KIF5C: variants seen among roughly 807,000 people sequenced by gnomAD.
KIF5C encodes kinesin family member 5C, also known as kinesin heavy chain isoform 5C.
KIF5C carries 18 observed loss-of-function variants against 125.2 expected under a neutral mutation model. The observed-to-expected ratio is 0.14, with a 90% CI of 0.10 to 0.21. The LOEUF is 0.21. KIF5C is among the 10% of genes least tolerant of loss of function. The probability of loss-of-function intolerance (pLI) is 1.00; values close to 1 mark genes in which losing one functional copy is unlikely to be tolerated. For missense variants in KIF5C, 780 were observed against 1,183.8 expected (o/e 0.66, Z 5.01); for synonymous variants, 405 against 434.0 (o/e 0.93, Z 0.83).
chr2:148,985,409 TAAGATA>T (rs1245713818), intron 15 of KIF5C, among the ~76,000 whole-genome samples: 2 of 152,186 alleles, frequency 1.3e-5, no homozygotes, highest in African/African-American at 4.8e-5. Flanking sequence ...TCAGCACCGT[TAAGATA>T]ATGAATGTCC....
chr2:148,875,525 G>T lies in KIF5C; in HGVS notation c.-93G>T, dbSNP rs957768725. The T allele has an allele frequency of 2.8e-6, 3 of 1,084,006 alleles. No homozygotes were observed. The highest frequency in any genetic ancestry group is 2.6e-5 in the East Asian group (1 of 38,454). 67.1% of individuals were successfully genotyped at this position (1,084,006 alleles called of 1,614,324 possible). The stretch of plus-strand genomic sequence containing the variant: ...GTCGGAGGCTGCAGGAGGCGGCCTA[G>T]CTGTGGGCGGTGCAGCTCGCGGCCT... On this transcript the variant is annotated 5_prime_UTR_variant, in exon 1 of 26. Transcript: ENST00000435030.
intron 1 of KIF5C, among the ~76,000 whole-genome samples, chr2:148,881,987 T>TC (rs1457086983): frequency 6.6e-6 from 1 of 152,208 alleles, no homozygotes; most frequent in Non-Finnish European, 1.5e-5. Flanking sequence ...AGGTTTTTTT[T>TC]CATAAAGTTC....
At chr2:148,971,929 T>TTTTA (rs896038832) in intron 11 of KIF5C, among the ~76,000 whole-genome samples, 14 of 152,150 alleles carry the variant, frequency 9.2e-5, no homozygotes, top group East Asian at 3.9e-4. Context: ...TATTATTTAT[T>TTTTA]TTTATTTATT....
intron 18 of KIF5C, chr2:148,997,687 C>G (rs1681719423): frequency 1.2e-5 from 3 of 259,570 alleles, no homozygotes. Flanking sequence ...GCAGAACACA[C>G]CAAATTTGAG....
intron 8 of KIF5C, 161 bp downstream of exon 8, chr2:148,947,184 C>T: frequency 1.7e-6 from 2 of 1,168,392 alleles, no homozygotes; most frequent in Non-Finnish European, 1.2e-6. Flanking sequence ...TTTGTCCCTG[C>T]TTTCTTTTCT....
chr2:148,895,749 A>T, intron 1 of KIF5C, among the ~76,000 whole-genome samples: 1 of 152,082 alleles, frequency 6.6e-6, no homozygotes, highest in East Asian at 1.9e-4. Context: ...CCCAAGATCG[A>T]GGTGCCAAGG....
intron 1 of KIF5C, among the ~76,000 whole-genome samples, chr2:148,908,045 T>C (rs1321360776): frequency 1.3e-5 from 2 of 152,260 alleles, no homozygotes; most frequent in Non-Finnish European, 2.9e-5. Context: ...GTGAAAAGTT[T>C]TGGCTAGCCT....
chr2:148,954,084 GT>G (rs1212742570), intron 10 of KIF5C, among the ~76,000 whole-genome samples: 1 of 116,896 alleles, frequency 8.6e-6, no homozygotes, highest in Non-Finnish European at 1.6e-5. Flanking sequence ...TGTTCTCATT[GT>G]TTAACTCCCA....
chr2:149,011,713 A>G (rs1393752536), intron 25 of KIF5C, 30 bp downstream of exon 25: 8 of 1,613,434 alleles, frequency 5.0e-6, no homozygotes, highest in Non-Finnish European at 6.8e-6. Context: ...TGGTTTCTCT[A>G]TCTGGAGGCA....
At position 148,978,905 on chromosome 2, in the gene KIF5C, A is replaced by G; in HGVS notation, c.1294-17A>G. ...GACATAACTAACCAAAAAAACAAACATGATGTTTCGTTTCAGGATGATGAA... is the reference window on the plus strand; with the variant it reads ...GACATAACTAACCAAAAAAACAAACGTGATGTTTCGTTTCAGGATGATGAA... On this transcript the variant is annotated splice_polypyrimidine_tract_variant and intron_variant, in intron 12 of 25. Coordinates refer to ENST00000435030, the MANE Select transcript of KIF5C (RefSeq NM_004522.3). The G allele has an allele frequency of 6.3e-7, 1 of 1,581,114 alleles. No homozygotes were observed. The highest frequency in any genetic ancestry group is 8.6e-7 in the Non-Finnish European group (1 of 1,166,250).
At chr2:148,962,194 C>G (rs1682943845) in intron 11 of KIF5C, 75 bp downstream of exon 11, 17 of 1,478,080 alleles carry the variant, frequency 1.2e-5, no homozygotes, top group Non-Finnish European at 1.5e-5. Flanking sequence ...GAGACAGAGT[C>G]TCTCTCTGTC....
intron 1 of KIF5C, among the ~76,000 whole-genome samples, chr2:148,920,014 A>G (rs1681719474): frequency 6.6e-6 from 1 of 152,204 alleles, no homozygotes; most frequent in African/African-American, 2.4e-5. Flanking sequence ...AGGAATAGAG[A>G]TTTCTTGCTC....
intron 1 of KIF5C, among the ~76,000 whole-genome samples, chr2:148,907,701 T>G (rs1462722816): frequency 3.3e-5 from 5 of 152,144 alleles, no homozygotes. Flanking sequence ...GGCGAGAGCA[T>G]GTCTGAGTAG....
At chr2:148,988,429 C>T (rs1179827092) in intron 15 of KIF5C, among the ~76,000 whole-genome samples, 1 of 152,194 alleles carries the variant, frequency 6.6e-6, no homozygotes, top group Non-Finnish European at 1.5e-5. Context: ...TATATTTTTA[C>T]TCTTCCTCAA....
At chr2:148,919,813 T>TGGGGG in intron 1 of KIF5C, among the ~76,000 whole-genome samples, 1 of 152,190 alleles carries the variant, frequency 6.6e-6, no homozygotes, top group Non-Finnish European at 1.5e-5. Flanking sequence ...ATAAAAATAT[T>TGGGGG]TACATTTTTA....
chr2:148,938,886 G>A (rs1398105609), intron 4 of KIF5C, among the ~76,000 whole-genome samples: 2 of 151,612 alleles, frequency 1.3e-5, no homozygotes, highest in African/African-American at 2.4e-5. Context: ...AGGAGTTCAC[G>A]ACCAGCCTGG....
At chr2:148,933,622 A>G (rs1017102282) in intron 3 of KIF5C, among the ~76,000 whole-genome samples, 17 of 148,136 alleles carry the variant, frequency 1.1e-4, no homozygotes, top group Admixed American at 8.7e-4. Context: ...CAGACATACC[A>G]TACACCACTA....
intron 1 of KIF5C, among the ~76,000 whole-genome samples, chr2:148,893,079 C>T (rs917556052): frequency 2.0e-5 from 3 of 152,150 alleles, no homozygotes; most frequent in Non-Finnish European, 4.4e-5. Flanking sequence ...GTTTGCTTTA[C>T]GTTTTTAGTA....
At chr2:149,006,594 G>C (rs1682017044) in intron 22 of KIF5C, among the ~76,000 whole-genome samples, 2 of 152,332 alleles carry the variant, frequency 1.3e-5, no homozygotes, top group South Asian at 4.1e-4. Flanking sequence ...TGGTGTTGGT[G>C]TTGAGTTAGA....
Sources: gnomAD v4.1 joint callset for allele counts (sites outside exome capture counted in the v4.1 genomes callset) on GRCh38, gnomAD v4.1.1 for gene constraint, MANE v1.5 for transcripts, NCBI Gene and HGNC (gene_info 2026-07-23, HGNC 2026-07-21) for gene names.